PDE10A: variants seen among roughly 807,000 people sequenced by gnomAD.
The protein encoded by PDE10A is phosphodiesterase 10A.
A neutral mutation model predicts 97.7 loss-of-function variants in PDE10A; 39 were observed. That is an observed-to-expected ratio of 0.40 (90% confidence interval 0.31 to 0.52). The LOEUF is 0.52. Ranked by LOEUF, PDE10A falls within the 20% of genes least tolerant of loss-of-function variation. The pLI, the probability that PDE10A is intolerant of heterozygous loss-of-function variation, is 0.56. For missense variants in PDE10A, 731 were observed against 1,047.8 expected (o/e 0.70, Z 4.17); for synonymous variants, 371 against 376.8 (o/e 0.98, Z 0.18).
intron 1 of PDE10A, among the ~76,000 whole-genome samples, chr6:165,794,077 C>T (rs1018039583): frequency 5.9e-5 from 9 of 152,078 alleles, no homozygotes; most frequent in African/African-American, 1.9e-4. Flanking sequence ...ATGCTCCAGC[C>T]TCCTGTTTAT....
intron 1 of PDE10A, among the ~76,000 whole-genome samples, chr6:165,749,337 A>G (rs574786525): frequency 3.0e-4 from 45 of 151,292 alleles, no homozygotes; most frequent in African/African-American, 1.0e-3. Flanking sequence ...CAATACCACC[A>G]TCACCACCAC....
At chr6:165,724,090 C>T (rs921096179) in intron 1 of PDE10A, among the ~76,000 whole-genome samples, 6 of 152,186 alleles carry the variant, frequency 3.9e-5, no homozygotes, top group Non-Finnish European at 8.8e-5. Context: ...CAGTGAACCA[C>T]CACATATAAA....
rs34074536 is a variant in PDE10A, at chr6:165,855,305, C to CG, written c.-615+132223dup. Among the ~76,000 whole-genome samples the CG allele has an allele frequency of 5.2e-3, 451 of 86,356 alleles. 2 individuals are homozygous for CG. Among genetic ancestry groups the CG allele is most frequent in the South Asian group, 0.015 (31 of 2,130 alleles). 56.7% of individuals were successfully genotyped at this position (86,356 alleles called of 152,430 possible). Reference sequence around the variant, plus strand: ...GACTCATAGGCGGCGCGGGAAGTGGCGGGGGGGGGGGGGGACTCAGGGGCG... The same window carrying CG: ...GACTCATAGGCGGCGCGGGAAGTGGCGGGGGGGGGGGGGGGACTCAGGGGCG... On this transcript the variant is annotated intron_variant, in intron 1 of 19. Transcript: ENST00000366882.
Position 165,379,919 on chromosome 6 carries a change from T to A in PDE10A, c.2611-553A>T, listed in dbSNP as rs533532440. ...ATGTTTATTCAAACACATTAAAAAC[T>A]CTAAGGGCAAGAGTACCTTTCCCTA... On this transcript the variant is annotated intron_variant, in intron 17 of 21. Coordinates refer to ENST00000539869, the MANE Select transcript of PDE10A (RefSeq NM_001385079.1). 2.6e-5 allele frequency among the ~76,000 whole-genome samples: 4 copies of A among 151,922 alleles called. No individual in the cohort carries two copies. The East Asian group carries it at 7.8e-4, about 30-fold the overall frequency.
At chr6:165,946,858 A>G (rs1476445350) in intron 1 of PDE10A, 2 of 152,218 alleles carry the variant, frequency 1.3e-5, no homozygotes, top group Non-Finnish European at 2.9e-5. Context: ...CTATCTATAT[A>G]TACACTTGCA....
At chr6:165,856,880 G>A (rs1225790992) in intron 1 of PDE10A, among the ~76,000 whole-genome samples, 5 of 152,136 alleles carry the variant, frequency 3.3e-5, no homozygotes, top group Admixed American at 2.0e-4. Context: ...TAAAGAATTC[G>A]ACTCTGGGAT....
chr6:165,690,904 T>C (rs1188962331), intron 1 of PDE10A, among the ~76,000 whole-genome samples: 2 of 152,168 alleles, frequency 1.3e-5, no homozygotes, highest in Admixed American at 1.3e-4. Flanking sequence ...GTAAAGTGGT[T>C]GGCATCCCTG....
intron 1 of PDE10A, among the ~76,000 whole-genome samples, chr6:165,658,595 C>T (rs1312730317): frequency 6.6e-6 from 1 of 152,234 alleles, no homozygotes; most frequent in East Asian, 1.9e-4. Flanking sequence ...TACATCAGGG[C>T]AGCCACACTG....
At chr6:165,912,178 A>G (rs1056925087) in intron 1 of PDE10A, among the ~76,000 whole-genome samples, 1 of 151,838 alleles carries the variant, frequency 6.6e-6, no homozygotes, top group African/African-American at 2.4e-5. Flanking sequence ...TCTATCATCT[A>G]TCTGTCTATC....
chr6:165,343,435 T>C lies in PDE10A; in HGVS notation c.2851A>G (p.Thr951Ala). 1 of 1,614,074 alleles carries C rather than the reference T, an allele frequency of 6.2e-7. No individual in the cohort carries two copies. Among genetic ancestry groups the C allele is most frequent in the Non-Finnish European group, 8.5e-7 (1 of 1,179,966 alleles). The stretch of plus-strand genomic sequence containing the variant: ...TATATATCATTTGCCGTCAATTTTG[T>C]AACGGGCCACAGTTTTGTCACAGAA... ...LCSVTKLWPV[T>A]KLTANDIYAE... Residue 951 changes from threonine (T) to alanine (A), a missense_variant, in exon 19 of 22, where the codon ACA (threonine) becomes GCA (alanine). Coordinates refer to ENST00000539869, the MANE Select transcript of PDE10A (RefSeq NM_001385079.1).
At chr6:165,674,265 C>T (rs9459471) in intron 1 of PDE10A, among the ~76,000 whole-genome samples, 54,846 of 151,270 alleles carry the variant, frequency 0.36, 10,250 homozygotes, top group Non-Finnish European at 0.41. Context: ...TGAGGATGAC[C>T]AAGATTATGT....
At chr6:165,985,807 A>G (rs1785178916) in intron 1 of PDE10A, among the ~76,000 whole-genome samples, 1 of 152,138 alleles carries the variant, frequency 6.6e-6, no homozygotes, top group South Asian at 2.1e-4. Context: ...AGCTGTCCCC[A>G]GTCAATACCT....
chr6:165,766,266 C>T (rs1258426719), intron 1 of PDE10A, among the ~76,000 whole-genome samples: 1 of 152,194 alleles, frequency 6.6e-6, no homozygotes, highest in African/African-American at 2.4e-5. Context: ...GGCATTTGCT[C>T]ACATTTACTT....
intron 21 of PDE10A, 134 bp downstream of exon 21, chr6:165,335,989 C>T (rs531045586): frequency 2.3e-4 from 167 of 741,428 alleles, no homozygotes; most frequent in Middle Eastern, 4.6e-4. Flanking sequence ...AAGGAGGCCC[C>T]GAGTCCCTGA....
At chr6:165,400,212 T>C (rs1786534061) in intron 13 of PDE10A, among the ~76,000 whole-genome samples, 1 of 151,690 alleles carries the variant, frequency 6.6e-6, no homozygotes. Context: ...GACTTAACTA[T>C]AGAACCTAAA....
rs899568226 is a variant in PDE10A at position 165,826,586 on chromosome 6, T to C, written c.-615+160943A>G. ...CACGCTCCCGCCACGCCCCCAGGTA[T>C]GTACCCACAGCCCAGTCCTTGTGGT... On this transcript the variant is annotated intron_variant, in intron 1 of 19. Transcript: ENST00000366882. Among the ~76,000 whole-genome samples, 6 of 152,224 alleles carry C rather than the reference T, an allele frequency of 3.9e-5. No homozygotes were observed. The East Asian group carries it at 9.7e-4, about 25-fold the overall frequency.
At chr6:165,383,416 C>T (rs572040740) in intron 17 of PDE10A, among the ~76,000 whole-genome samples, 7 of 152,272 alleles carry the variant, frequency 4.6e-5, no homozygotes, top group East Asian at 1.9e-4. Context: ...AGCTCACCTA[C>T]GTTCTTGGAT....
intron 2 of PDE10A, among the ~76,000 whole-genome samples, chr6:165,518,667 T>C (rs1781958558): frequency 6.6e-6 from 1 of 152,206 alleles, no homozygotes; most frequent in Non-Finnish European, 1.5e-5. Flanking sequence ...GTGAAAGTTC[T>C]CAACTTGATA....
intron 3 of PDE10A, among the ~76,000 whole-genome samples, chr6:165,481,253 C>A (rs534148352): frequency 1.3e-5 from 2 of 152,142 alleles, no homozygotes; most frequent in African/African-American, 2.4e-5. Context: ...CTTCCTGGTA[C>A]CTTTTAAGCG....
Sources: allele counts gnomAD v4.1 joint callset (sites outside exome capture counted in the v4.1 genomes callset), GRCh38; gene constraint gnomAD v4.1.1; transcripts MANE v1.5; gene names NCBI Gene and HGNC (gene_info 2026-07-23, HGNC 2026-07-21).